MAPKAP1: variants seen among roughly 807,000 people sequenced by gnomAD.
The protein encoded by MAPKAP1 is target of rapamycin complex 2 subunit MAPKAP1.
In MAPKAP1, 20 loss-of-function variants were observed where a neutral mutation model predicts 65.7. That is an observed-to-expected ratio of 0.30 (90% CI 0.21 to 0.44). The LOEUF is 0.44. Among genes scored for constraint, MAPKAP1 ranks in the 20% least tolerant of loss-of-function variants. The pLI, the probability that MAPKAP1 is intolerant of heterozygous loss-of-function variation, is 1.00. For synonymous variants in MAPKAP1, 222 were observed against 244.3 expected (o/e 0.91, Z 0.85); for missense variants, 423 against 648.0 (o/e 0.65, Z 3.77).
chr9:125,453,741 ACT>A (rs1853052654), intron 10 of MAPKAP1, among the ~76,000 whole-genome samples: 1 of 152,188 alleles, frequency 6.6e-6, no homozygotes, highest in South Asian at 2.1e-4. Context: ...ATATTGGTTC[ACT>A]GAGTTATGCA....
intron 7 of MAPKAP1, 78 bp from the exon 8 acceptor site, chr9:125,506,495 G>C: frequency 1.7e-6 from 2 of 1,155,772 alleles, no homozygotes; most frequent in South Asian, 2.5e-5. Flanking sequence ...CCACATACTG[G>C]TGAAAAGCTG....
In MAPKAP1 at chr9:125,518,059, C is replaced by T. The variant is rs544674865; in HGVS notation, c.959-11642G>A. ...TCGTTGTTAAATAGAATGCCTTCCA[C>T]AAGGTGGCCTTGAAAATTGAACTCA... is the stretch of plus-strand genomic sequence containing the variant. On this transcript the variant is annotated intron_variant, in intron 7 of 11. Transcript: ENST00000265960. 1.7e-4 allele frequency among the ~76,000 whole-genome samples: 26 copies of T among 152,318 alleles called. 1 individual carries two copies. Among genetic ancestry groups the T allele is most frequent in the Admixed American group, 9.8e-4 (15 of 15,308 alleles).
intron 10 of MAPKAP1, among the ~76,000 whole-genome samples, chr9:125,455,433 T>C (rs150807970): frequency 5.3e-5 from 8 of 152,316 alleles, no homozygotes; most frequent in Admixed American, 3.9e-4. Context: ...AAGGGCCAGA[T>C]AGTAAATGCT....
At chr9:125,586,108 A>T (rs569027903) in intron 4 of MAPKAP1, among the ~76,000 whole-genome samples, 67 of 152,202 alleles carry the variant, frequency 4.4e-4, no homozygotes, top group Non-Finnish European at 8.4e-4. Context: ...AGACAATGAG[A>T]TGAGCTGCCT....
intron 8 of MAPKAP1, among the ~76,000 whole-genome samples, chr9:125,489,991 A>G (rs889434688): frequency 2.6e-5 from 4 of 152,054 alleles, no homozygotes; most frequent in African/African-American, 4.8e-5. Flanking sequence ...CCTTCCCTCA[A>G]GTGGTTAAAG....
intron 5 of MAPKAP1, among the ~76,000 whole-genome samples, chr9:125,578,836 CTAAGAT>C (rs1395867481): frequency 6.6e-6 from 1 of 152,018 alleles, no homozygotes; most frequent in Non-Finnish European, 1.5e-5. Flanking sequence ...GTCAAAAACC[CTAAGAT>C]AATAGAAATA....
Position 125,672,481 on chromosome 9 carries a change from T to C in MAPKAP1, c.94A>G (p.Ile32Val), listed in dbSNP as rs751361811. ...DDTGMCEMVL[I>V]DHDVDLEKIH... ...TTCTCTAGGTCAACATCATGATCAA[T>C]GAGAACCATCTCACACATTCCCGTG... Residue 32 changes from isoleucine to valine, a missense_variant, in exon 2 of 12, where the codon ATT becomes GTT. Ile to Val is a conservative substitution (Grantham distance 29). This residue lies in a region of MAPKAP1 where 58 missense variants were observed against 56.9 expected (regional missense o/e 1.02). Transcript: ENST00000265960. 8 of 1,614,046 alleles carry C rather than the reference T, an allele frequency of 5.0e-6. No homozygotes were observed. Among genetic ancestry groups the C allele is most frequent in the Middle Eastern group, 3.3e-4 (2 of 6,084 alleles).
intron 7 of MAPKAP1, among the ~76,000 whole-genome samples, chr9:125,524,963 T>C (rs540573089): frequency 6.6e-6 from 1 of 152,356 alleles, no homozygotes; most frequent in South Asian, 2.1e-4. Flanking sequence ...GATGCTCTGC[T>C]GCTCTGACAA....
At position 125,468,143 on chromosome 9, in the gene MAPKAP1, C is replaced by T; in HGVS notation, c.1208-34G>A. On this transcript the variant is annotated intron_variant, in intron 9 of 11. Coordinates refer to ENST00000265960, the MANE Select transcript of MAPKAP1 (RefSeq NM_001006617.3). ...CAAGGTGAGGACACAAAAGAAAACA[C>T]AAGAAGTAGAAGGTGTAAGTGATTT... The T allele has an allele frequency of 5.0e-6, 8 of 1,607,664 alleles. No homozygotes were observed. In the South Asian group the frequency reaches 8.8e-5, roughly 18 times the overall value.
chr9:125,637,671 T>G (rs1471284935), intron 4 of MAPKAP1, among the ~76,000 whole-genome samples: 1 of 152,222 alleles, frequency 6.6e-6, no homozygotes, highest in Non-Finnish European at 1.5e-5. Context: ...AGTTTCCTCA[T>G]TTAGAAAACA....
Position 125,657,794 on chromosome 9 carries a change from C to G in MAPKAP1, c.355G>C (p.Glu119Gln). 1 of 1,612,932 alleles carries G rather than the reference C, an allele frequency of 6.2e-7. No homozygotes were observed. The highest frequency in any genetic ancestry group is 8.5e-7 in the Non-Finnish European group (1 of 1,179,640). The stretch of plus-strand genomic sequence containing the variant: ...TTTTTTTCAAACAGTGACTTTAACT[C>G]CTGGGCTGTGATACAAGAGGAAGAA... ...KERNSKQSAQELKSLFEKKSL... is the reference protein window; with the variant it reads ...KERNSKQSAQQLKSLFEKKSL... Residue 119 changes from glutamate (E) to glutamine (Q), a missense_variant, in exon 4 of 12, where the codon GAG (glutamate) becomes CAG (glutamine). Around this residue, in one of 6 missense-constraint regions of MAPKAP1, gnomAD observed 67 missense variants for 69.6 expected, o/e 0.96. Transcript: ENST00000265960.
At chr9:125,645,679 G>C (rs1275297921) in intron 4 of MAPKAP1, among the ~76,000 whole-genome samples, 1 of 149,482 alleles carries the variant, frequency 6.7e-6, no homozygotes, top group Non-Finnish European at 1.5e-5. Flanking sequence ...GGAGGTTGCA[G>C]TGAGCCAAGA....
intron 8 of MAPKAP1, among the ~76,000 whole-genome samples, chr9:125,499,287 G>T (rs556044467): frequency 6.6e-6 from 1 of 152,152 alleles, no homozygotes; most frequent in Non-Finnish European, 1.5e-5. Context: ...TCTGCTTTTG[G>T]AATGTTTTTC....
chr9:125,622,107 T>A (rs771113116), intron 4 of MAPKAP1, among the ~76,000 whole-genome samples: 8 of 151,370 alleles, frequency 5.3e-5, no homozygotes, highest in Non-Finnish European at 1.2e-4. Flanking sequence ...AAGTGGAGAG[T>A]AGAATTGTGG....
chr9:125,662,146 C>T (rs1288277792), intron 3 of MAPKAP1, among the ~76,000 whole-genome samples: 1 of 152,106 alleles, frequency 6.6e-6, no homozygotes, highest in Admixed American at 6.5e-5. Context: ...CTTCGGGAGG[C>T]CAAGATGGGC....
chr9:125,698,293 ATAT>A (rs1835467937), intron 1 of MAPKAP1, among the ~76,000 whole-genome samples: 1 of 3,838 alleles, frequency 2.6e-4, no homozygotes, highest in East Asian at 4.2e-3. Flanking sequence ...ATATAAATAT[ATAT>A]ATATATATAT....
intron 3 of MAPKAP1, among the ~76,000 whole-genome samples, chr9:125,662,176 G>A (rs913027016): frequency 9.9e-5 from 15 of 152,076 alleles, no homozygotes; most frequent in African/African-American, 3.1e-4. Context: ...GAGCCCAGGA[G>A]TTCAAGACCA....
At chr9:125,645,607 G>C (rs1833703182) in intron 4 of MAPKAP1, among the ~76,000 whole-genome samples, 1 of 151,956 alleles carries the variant, frequency 6.6e-6, no homozygotes, top group African/African-American at 2.4e-5. Flanking sequence ...CGTGGTGGCA[G>C]GTGCCTGTAG....
At chr9:125,660,673 T>C (rs1336779861) in intron 3 of MAPKAP1, among the ~76,000 whole-genome samples, 1 of 152,204 alleles carries the variant, frequency 6.6e-6, no homozygotes, top group Non-Finnish European at 1.5e-5. Context: ...AATTCAGTTC[T>C]ATTAGGCCAA....
Sources: allele counts gnomAD v4.1 joint callset (sites outside exome capture counted in the v4.1 genomes callset), GRCh38; gene constraint gnomAD v4.1.1; regional missense constraint gnomAD v4.1.1; transcripts MANE v1.5; gene names NCBI Gene and HGNC (gene_info 2026-07-23, HGNC 2026-07-21).